The following THSD7B variants were observed in gnomAD, a reference collection of about 807,000 sequenced individuals.
THSD7B encodes the protein thrombospondin type 1 domain containing 7B, also known as thrombospondin type-1 domain-containing protein 7B.
Under a neutral mutation model 213.6 loss-of-function variants are expected in THSD7B, and 138 were observed. That is an observed-to-expected ratio of 0.65 (90% CI 0.56 to 0.74). The LOEUF (loss-of-function observed/expected upper bound fraction) is 0.74, where lower values mean the gene tolerates loss of function less well. THSD7B is among the 30% of genes least tolerant of loss of function. The pLI, the probability that THSD7B is intolerant of heterozygous loss-of-function variation, is 0.00. For synonymous variants in THSD7B, 742 were observed against 687.0 expected, an observed-to-expected ratio of 1.08 and a Z score of -1.25; for missense variants, 1,931 against 1,991.5, an observed-to-expected ratio of 0.97 and a Z score of 0.58.
chr2:137,568,977 G>A (rs1573715070), intron 16 of THSD7B, among the ~76,000 whole-genome samples: 1 of 152,200 alleles, frequency 6.6e-6, no homozygotes, highest in Admixed American at 6.5e-5. Flanking sequence ...GGACTTGGCA[G>A]ATGTTATTAA....
intron 3 of THSD7B, among the ~76,000 whole-genome samples, chr2:137,082,130 C>A (rs1558913567): frequency 1.3e-5 from 2 of 152,074 alleles, no homozygotes; most frequent in Admixed American, 6.6e-5. Flanking sequence ...GTTGAACTTT[C>A]TTTTTCTGAA....
chr2:136,799,299 T>TG (rs1682131889), intron 1 of THSD7B, among the ~76,000 whole-genome samples: 1 of 150,602 alleles, frequency 6.6e-6, no homozygotes, highest in Admixed American at 6.6e-5. Flanking sequence ...TTTGGGAGAT[T>TG]GAAAAAAAAA....
chr2:137,351,992 G>A (rs565793817), intron 12 of THSD7B, among the ~76,000 whole-genome samples: 1 of 151,812 alleles, frequency 6.6e-6, no homozygotes, highest in Non-Finnish European at 1.5e-5. Flanking sequence ...TATCATTAGT[G>A]TTAGTGTATT....
chr2:137,463,927 T>G (rs968224058), intron 15 of THSD7B, among the ~76,000 whole-genome samples: 5 of 152,072 alleles, frequency 3.3e-5, no homozygotes, highest in African/African-American at 1.2e-4. Context: ...TGACTAAAAC[T>G]GGCTTAAAGT....
At chr2:136,872,497 T>C (rs1683445910) in intron 1 of THSD7B, among the ~76,000 whole-genome samples, 2 of 152,272 alleles carry the variant, frequency 1.3e-5, no homozygotes, top group East Asian at 1.9e-4. Flanking sequence ...CCTAGCTACA[T>C]AAAAATCTGA....
chr2:136,801,662 AG>A (rs1221826937), intron 1 of THSD7B, among the ~76,000 whole-genome samples: 1 of 152,068 alleles, frequency 6.6e-6, no homozygotes, highest in African/African-American at 2.4e-5. Flanking sequence ...GGCCCATTAA[AG>A]AGGCTGTAAC....
At chr2:137,037,425 T>TAC (rs746298434) in intron 2 of THSD7B, among the ~76,000 whole-genome samples, 10 of 152,000 alleles carry the variant, frequency 6.6e-5, no homozygotes, top group Middle Eastern at 6.8e-3. Flanking sequence ...TATATATATA[T>TAC]ACACACACGC....
chr2:137,140,891 G>A (rs1318938113), intron 5 of THSD7B, among the ~76,000 whole-genome samples: 2 of 152,090 alleles, frequency 1.3e-5, no homozygotes, highest in Non-Finnish European at 2.9e-5. Flanking sequence ...AATAATAAAC[G>A]AATGAGTAAG....
At chr2:136,814,242 A>G (rs1377403009) in intron 1 of THSD7B, among the ~76,000 whole-genome samples, 2 of 152,220 alleles carry the variant, frequency 1.3e-5, no homozygotes, top group African/African-American at 4.8e-5. Flanking sequence ...ATAAGTGGAA[A>G]AGTAAAAGCT....
chr2:136,897,719 T>A (rs1183963711), intron 2 of THSD7B, among the ~76,000 whole-genome samples: 1 of 152,176 alleles, frequency 6.6e-6, no homozygotes, highest in Non-Finnish European at 1.5e-5. Flanking sequence ...ATTGGTGCAT[T>A]TTTACAGAGT....
intron 3 of THSD7B, among the ~76,000 whole-genome samples, chr2:137,072,909 T>C (rs965057715): frequency 1.3e-5 from 2 of 152,202 alleles, no homozygotes; most frequent in African/African-American, 2.4e-5. Context: ...ATAACATTTA[T>C]TGATTTACGT....
intron 15 of THSD7B, among the ~76,000 whole-genome samples, chr2:137,553,734 C>T (rs575191321): frequency 1.3e-5 from 2 of 152,252 alleles, no homozygotes; most frequent in South Asian, 2.1e-4. Context: ...TTTCCCATGG[C>T]TCATTTCTCT....
chr2:137,408,015 AC>A (rs1471117745), intron 13 of THSD7B, among the ~76,000 whole-genome samples: 1 of 151,744 alleles, frequency 6.6e-6, no homozygotes, highest in African/African-American at 2.4e-5. Flanking sequence ...TTAGAATTGT[AC>A]TAGGGATTGA....
chr2:137,327,722 T>G (rs866357807), intron 12 of THSD7B, among the ~76,000 whole-genome samples: 2 of 152,282 alleles, frequency 1.3e-5, no homozygotes, highest in South Asian at 4.1e-4. Flanking sequence ...GAAGGCTAGA[T>G]GTAATAAAAA....
chr2:136,922,529 T>C (rs1313715009), intron 2 of THSD7B, among the ~76,000 whole-genome samples: 1 of 152,216 alleles, frequency 6.6e-6, no homozygotes, highest in Non-Finnish European at 1.5e-5. Flanking sequence ...AAATTGTACT[T>C]AGAAAATGCA....
chr2:137,285,875 G>T (rs1257057108), intron 12 of THSD7B, among the ~76,000 whole-genome samples: 1 of 151,904 alleles, frequency 6.6e-6, no homozygotes, highest in Non-Finnish European at 1.5e-5. Flanking sequence ...AGGTTGAGGT[G>T]GGCGGATCAC....
chr2:137,032,057 T>A (rs1289529381), intron 2 of THSD7B, among the ~76,000 whole-genome samples: 1 of 151,862 alleles, frequency 6.6e-6, no homozygotes, highest in Non-Finnish European at 1.5e-5. Flanking sequence ...CCCAGACTGG[T>A]CTCAAACTCC....
At chr2:136,950,351 G>T (rs565288849) in intron 2 of THSD7B, among the ~76,000 whole-genome samples, 1 of 152,248 alleles carries the variant, frequency 6.6e-6, no homozygotes, top group African/African-American at 2.4e-5. Context: ...GTTGATAGGT[G>T]CAGCAAACCA....
At chr2:137,080,209 A>G (rs1687716851) in intron 3 of THSD7B, among the ~76,000 whole-genome samples, 1 of 149,266 alleles carries the variant, frequency 6.7e-6, no homozygotes, top group Non-Finnish European at 1.5e-5. Flanking sequence ...ATTGTATTGT[A>G]TTGTATTTTG....
Sources: gnomAD v4.1 joint callset for allele counts (sites outside exome capture counted in the v4.1 genomes callset) on GRCh38, gnomAD v4.1.1 for gene constraint, MANE v1.5 for transcripts, NCBI Gene and HGNC (gene_info 2026-07-23, HGNC 2026-07-21) for gene names.